Variants in NR3C2 observed in about 807,000 individuals in gnomAD.
NR3C2 encodes mineralocorticoid receptor.
A neutral mutation model predicts 86.4 loss-of-function variants in NR3C2; 15 were observed. That is an observed-to-expected ratio of 0.17 (90% CI 0.12 to 0.27). NR3C2 has a LOEUF of 0.27. Ranked by LOEUF, NR3C2 falls within the 10% of genes least tolerant of loss-of-function variation. The pLI is 1.00. For synonymous variants in NR3C2, 458 were observed against 450.5 expected, an observed-to-expected ratio of 1.02 and a Z score of -0.21; for missense variants, 960 against 1,195.6, an observed-to-expected ratio of 0.80 and a Z score of 2.91.
chr4:148,263,008 G>T (rs901709359), intron 2 of NR3C2, among the ~76,000 whole-genome samples: 1 of 152,068 alleles, frequency 6.6e-6, no homozygotes, highest in Admixed American at 6.6e-5. Context: ...TGATCTTCTG[G>T]TTTCTCTTTG....
At chr4:148,440,954 C>T (rs913271353) in intron 1 of NR3C2, among the ~76,000 whole-genome samples, 7 of 152,286 alleles carry the variant, frequency 4.6e-5, no homozygotes, top group South Asian at 2.1e-4. Context: ...AAGACTAAAG[C>T]TTAAGAATCT....
At chr4:148,199,799 G>T (rs1193461349) in intron 3 of NR3C2, among the ~76,000 whole-genome samples, 1 of 152,190 alleles carries the variant, frequency 6.6e-6, no homozygotes, top group African/African-American at 2.4e-5. Context: ...ATATTCTACG[G>T]GTTAGGAGTA....
At chr4:148,429,835 T>C (rs902498397) in intron 2 of NR3C2, among the ~76,000 whole-genome samples, 2 of 152,214 alleles carry the variant, frequency 1.3e-5, no homozygotes, top group African/African-American at 4.8e-5. Flanking sequence ...AAGAAGCTAA[T>C]ATTTTTCTCT....
chr4:148,149,637 A>G (rs990589863), intron 6 of NR3C2, among the ~76,000 whole-genome samples: 2 of 152,236 alleles, frequency 1.3e-5, no homozygotes, highest in African/African-American at 4.8e-5. Context: ...GTTGAGACAC[A>G]TATTTACAAA....
intron 2 of NR3C2, among the ~76,000 whole-genome samples, chr4:148,376,694 T>C (rs981764947): frequency 6.6e-6 from 1 of 152,222 alleles, no homozygotes; most frequent in Non-Finnish European, 1.5e-5. Context: ...CAAGGGCAGC[T>C]AAACCTGAAA....
At position 148,388,659 on chromosome 4, in the gene NR3C2, CTTA is replaced by C. The variant is rs200476372; in HGVS notation, c.1757+46442_1757+46444del. ...AATAAGTTGGGGAGACTATTAAACA[CTTA>C]TTATTCAGAATTAACCAATCTATTT... On this transcript the variant is annotated intron_variant, in intron 2 of 8. Coordinates refer to ENST00000358102, the MANE Select transcript of NR3C2 (RefSeq NM_000901.5). Among the ~76,000 whole-genome samples the C allele has an allele frequency of 5.5e-3, 844 of 152,262 alleles. 9 individuals are homozygous for C. Among genetic ancestry groups the C allele is most frequent in the African/African-American group, 0.019 (788 of 41,542 alleles).
At chr4:148,104,907 G>T (rs1345750283) in intron 8 of NR3C2, among the ~76,000 whole-genome samples, 5 of 152,190 alleles carry the variant, frequency 3.3e-5, no homozygotes, top group Non-Finnish European at 5.9e-5. Context: ...TCCATGGCAG[G>T]CTTCTATTTT....
At chr4:148,288,121 G>C (rs936713777) in intron 2 of NR3C2, among the ~76,000 whole-genome samples, 2 of 152,156 alleles carry the variant, frequency 1.3e-5, no homozygotes, top group Non-Finnish European at 2.9e-5. Context: ...TGGTCCCATT[G>C]ATACCACGGT....
rs1334986755 is a variant in NR3C2 at position 148,154,748 on chromosome 4, A to T, written c.2168T>A (p.Leu723Gln). 7.0e-7 allele frequency: 1 copy of T among 1,426,134 alleles called. No homozygotes were observed. The highest frequency in any genetic ancestry group is 2.0e-5 in the Admixed American group (1 of 49,744). The allele number at this position is 1,426,134 out of a possible 1,614,324, so 88.3% of individuals were successfully genotyped here. Residue 723 changes from leucine (L) to glutamine (Q), a missense_variant, in exon 5 of 9, where the codon CTG (leucine) becomes CAG (glutamine). By Grantham distance (113) the Leu-to-Gln change is moderately radical. Around this residue, in one of 4 missense-constraint regions of NR3C2, gnomAD observed 82 missense variants for 73.0 expected, o/e 1.12. Coordinates refer to ENST00000358102, the MANE Select transcript of NR3C2 (RefSeq NM_000901.5). ...PAKEPSVNTA[L>Q]VPQLSTISRA... ...TGAGATTGTGGAGAGCTGAGGAACC[A>T]GTGCTGTGTTGACCGAGGGTTCTTT... is the stretch of plus-strand genomic sequence containing the variant.
At chr4:148,292,265 A>T (rs1021528443) in intron 2 of NR3C2, among the ~76,000 whole-genome samples, 5 of 152,012 alleles carry the variant, frequency 3.3e-5, no homozygotes, top group African/African-American at 9.7e-5. Flanking sequence ...CACTTTATAC[A>T]CATAAAATCA....
intron 4 of NR3C2, among the ~76,000 whole-genome samples, 164 bp from the exon 5 acceptor site, chr4:148,155,065 A>T (rs1560950307): frequency 6.6e-6 from 1 of 152,232 alleles, no homozygotes; most frequent in Non-Finnish European, 1.5e-5. Flanking sequence ...AATTATTATT[A>T]CTTACTATTG....
chr4:148,294,862 C>T (rs1417260023), intron 2 of NR3C2, among the ~76,000 whole-genome samples: 5 of 151,968 alleles, frequency 3.3e-5, no homozygotes, highest in African/African-American at 4.8e-5. Context: ...GTGGCACATG[C>T]TTGTTGTCCC....
upstream of NR3C2, chr4:148,445,039 C>T: frequency 3.1e-5 from 30 of 976,184 alleles, no homozygotes; most frequent in Non-Finnish European, 3.4e-5. Flanking sequence ...CGGGAGGAGG[C>T]GGCACCGCGT....
intron 2 of NR3C2, among the ~76,000 whole-genome samples, chr4:148,408,188 A>C (rs900816509): frequency 6.6e-6 from 1 of 152,192 alleles, no homozygotes; most frequent in Admixed American, 6.5e-5. Context: ...CTCTAAGTGA[A>C]TGTGTTTCAA....
intron 4 of NR3C2, among the ~76,000 whole-genome samples, chr4:148,163,470 T>G (rs530565103): frequency 3.4e-4 from 52 of 152,144 alleles, no homozygotes; most frequent in Non-Finnish European, 6.5e-4. Flanking sequence ...CAGAAATACG[T>G]TTCCAAAATA....
intron 4 of NR3C2, among the ~76,000 whole-genome samples, chr4:148,160,756 A>C (rs1321374094): frequency 6.6e-6 from 1 of 152,180 alleles, no homozygotes; most frequent in Non-Finnish European, 1.5e-5. Context: ...ATTACTGCCC[A>C]CAAAACAGTA....
chr4:148,305,334 G>A (rs564516137), intron 2 of NR3C2, among the ~76,000 whole-genome samples: 1 of 152,194 alleles, frequency 6.6e-6, no homozygotes, highest in South Asian at 2.1e-4. Context: ...TTTAAAGACA[G>A]TGAAAAAAGC....
intron 8 of NR3C2, among the ~76,000 whole-genome samples, chr4:148,081,854 T>C (rs1730578143): frequency 6.6e-6 from 1 of 152,202 alleles, no homozygotes; most frequent in South Asian, 2.1e-4. Context: ...ATCTTTGTAT[T>C]GGTGAGGGGC....
At chr4:148,335,442 T>G (rs1212960147) in intron 2 of NR3C2, among the ~76,000 whole-genome samples, 2 of 152,120 alleles carry the variant, frequency 1.3e-5, no homozygotes, top group Non-Finnish European at 2.9e-5. Flanking sequence ...GGAGGCCACA[T>G]CCCAAGCAGG....
Sources: allele counts gnomAD v4.1 joint callset (sites outside exome capture counted in the v4.1 genomes callset), GRCh38; gene constraint gnomAD v4.1.1; regional missense constraint gnomAD v4.1.1; transcripts MANE v1.5; gene names NCBI Gene and HGNC (gene_info 2026-07-23, HGNC 2026-07-21).